The following NCOA1 variants were observed in gnomAD, a reference collection of about 807,000 sequenced individuals.
NCOA1 encodes nuclear receptor coactivator 1, also known as Hin-2 protein.
A neutral mutation model predicts 150.9 loss-of-function variants in NCOA1; 35 were observed. That is an observed-to-expected ratio of 0.23 (90% CI 0.18 to 0.31). The LOEUF is 0.31. Ranked by LOEUF, NCOA1 falls within the 10% of genes least tolerant of loss-of-function variation. The pLI, the probability that NCOA1 is intolerant of heterozygous loss-of-function variation, is 1.00. For missense variants in NCOA1, 1,491 were observed against 1,749.3 expected (o/e 0.85, Z 2.63); for synonymous variants, 590 against 630.0 (o/e 0.94, Z 0.95).
chr2:24,764,841 G>A (rs1279347716), intron 22 of NCOA1, among the ~76,000 whole-genome samples: 1 of 152,176 alleles, frequency 6.6e-6, no homozygotes, highest in Non-Finnish European at 1.5e-5. Context: ...ACAAAGATTA[G>A]AAGACTGGGT....
chr2:24,495,881 G>A (rs1004892127), intron 1 of NCOA1, among the ~76,000 whole-genome samples: 22 of 152,188 alleles, frequency 1.4e-4, no homozygotes, highest in Non-Finnish European at 2.9e-4. Context: ...ATTATTAAAT[G>A]TGTTTAGCAT....
At chr2:24,723,165 C>T (rs914811646) in intron 14 of NCOA1, among the ~76,000 whole-genome samples, 7 of 152,080 alleles carry the variant, frequency 4.6e-5, no homozygotes, top group African/African-American at 7.2e-5. Flanking sequence ...TCAAAAATTA[C>T]GTACATAGAC....
intron 1 of NCOA1, among the ~76,000 whole-genome samples, chr2:24,538,983 G>A (rs1195478379): frequency 3.9e-5 from 6 of 152,178 alleles, no homozygotes; most frequent in Non-Finnish European, 7.3e-5. Context: ...TAAGCAGAGC[G>A]TTAAAATTCA....
At chr2:24,509,143 G>A (rs1307465749) in intron 1 of NCOA1, among the ~76,000 whole-genome samples, 2 of 152,210 alleles carry the variant, frequency 1.3e-5, no homozygotes, top group Non-Finnish European at 2.9e-5. Flanking sequence ...CTTAGTGCTT[G>A]TTTTGTACCA....
intron 14 of NCOA1, among the ~76,000 whole-genome samples, chr2:24,712,101 G>C (rs1673773968): frequency 6.6e-6 from 1 of 152,216 alleles, no homozygotes; most frequent in Non-Finnish European, 1.5e-5. Flanking sequence ...CAGAGTATTA[G>C]AGGAAGAGTC....
chr2:24,533,376 A>G (rs1268629774), intron 1 of NCOA1, among the ~76,000 whole-genome samples: 4 of 152,332 alleles, frequency 2.6e-5, no homozygotes, highest in African/African-American at 7.2e-5. Context: ...TAAATATCCA[A>G]TCATGTCATC....
At position 24,658,725 on chromosome 2, in the gene NCOA1, A is replaced by G. The variant is rs1365535916; in HGVS notation, c.48A>G (p.Ser16=). The G allele has an allele frequency of 6.2e-7, 1 of 1,613,980 alleles. No individual in the cohort carries two copies. Among genetic ancestry groups the G allele is most frequent in the African/African-American group, 1.3e-5 (1 of 74,910 alleles). Residue 16 remains serine, a synonymous_variant, in exon 5 of 23, where the codon TCA becomes TCG. Coordinates refer to ENST00000348332, the MANE Select transcript of NCOA1 (RefSeq NM_003743.5). ...CATCCGACCCTGCTAACCCAGACTC[A>G]CATAAGAGGAAAGGATCGCCATGTG... The part of the protein sequence containing the change: ...DSSSDPANPD[S]HKRKGSPCDT...
intron 1 of NCOA1, 29 bp from the exon 2 acceptor site, chr2:24,564,266 C>G (rs1666404223): frequency 6.6e-6 from 1 of 152,078 alleles, no homozygotes; most frequent in Admixed American, 6.6e-5. Context: ...TTTCAATGGC[C>G]CAATTGTGTC....
intron 14 of NCOA1, among the ~76,000 whole-genome samples, chr2:24,715,393 A>G (rs766985475): frequency 1.8e-4 from 27 of 152,196 alleles, no homozygotes; most frequent in South Asian, 6.2e-4. Context: ...AAATGAGACA[A>G]TACTCTTTTC....
At chr2:24,702,312 C>T (rs1317208880) in intron 11 of NCOA1, among the ~76,000 whole-genome samples, 1 of 152,000 alleles carries the variant, frequency 6.6e-6, no homozygotes, top group Admixed American at 6.6e-5. Context: ...TTTTCTGTAC[C>T]TAATAACAAT....
chr2:24,680,918 A>C (rs546178201), intron 7 of NCOA1, among the ~76,000 whole-genome samples: 1 of 152,354 alleles, frequency 6.6e-6, no homozygotes, highest in South Asian at 2.1e-4. Flanking sequence ...ATGGAAAAGT[A>C]TATCATTGGA....
chr2:24,621,077 C>G (rs781112248), intron 3 of NCOA1, among the ~76,000 whole-genome samples: 13 of 152,090 alleles, frequency 8.5e-5, no homozygotes, highest in Admixed American at 6.5e-5. Context: ...TATCCCAGCC[C>G]TCTTATCTAC....
At chr2:24,734,824 G>C (rs1029887963) in intron 17 of NCOA1, among the ~76,000 whole-genome samples, 1 of 151,940 alleles carries the variant, frequency 6.6e-6, no homozygotes, top group Non-Finnish European at 1.5e-5. Context: ...AATTAAAACA[G>C]TGTGGAACTA....
chr2:24,733,639 G>GC (rs1359036467), intron 17 of NCOA1, among the ~76,000 whole-genome samples: 22 of 152,180 alleles, frequency 1.4e-4, no homozygotes, highest in African/African-American at 5.3e-4. Context: ...AGTTACTGGG[G>GC]AGGCTGAGGC....
intron 3 of NCOA1, among the ~76,000 whole-genome samples, chr2:24,611,022 T>C (rs752486172): frequency 5.9e-5 from 9 of 152,182 alleles, no homozygotes; most frequent in Non-Finnish European, 1.2e-4. Flanking sequence ...TGTGTGATGC[T>C]GAGGTTTGGG....
intron 17 of NCOA1, among the ~76,000 whole-genome samples, chr2:24,730,871 C>CAAAAAAA (rs35975198): frequency 5.0e-4 from 31 of 61,886 alleles, no homozygotes; most frequent in East Asian, 1.1e-3. Context: ...ACTAAAAGTA[C>CAAAAAAA]AAAAAAAAAA....
At chr2:24,728,628 T>G in intron 16 of NCOA1, 152 bp downstream of exon 16, 2 of 596,854 alleles carry the variant, frequency 3.4e-6, no homozygotes, top group Non-Finnish European at 5.3e-6. Context: ...GAGTTTTTTT[T>G]TTAAGAAAAA....
intron 1 of NCOA1, among the ~76,000 whole-genome samples, chr2:24,548,148 C>G (rs916908705): frequency 6.6e-6 from 1 of 152,070 alleles, no homozygotes; most frequent in Non-Finnish European, 1.5e-5. Context: ...GGGCAATTTA[C>G]AAAAGAGAGA....
At chr2:24,602,215 AG>A (rs913794247) in intron 3 of NCOA1, among the ~76,000 whole-genome samples, 4 of 152,090 alleles carry the variant, frequency 2.6e-5, no homozygotes, top group Admixed American at 2.6e-4. Flanking sequence ...GCAAGTTTAA[AG>A]TAAAGGCAGG....
Sources: allele counts gnomAD v4.1 joint callset (sites outside exome capture counted in the v4.1 genomes callset), GRCh38; gene constraint gnomAD v4.1.1; transcripts MANE v1.5; gene names NCBI Gene and HGNC (gene_info 2026-07-23, HGNC 2026-07-21).